The following CDH20 variants were observed in gnomAD, a reference collection of about 807,000 sequenced individuals.
CDH20 encodes cadherin-20.
CDH20 carries 29 observed loss-of-function variants against 74.2 expected under a neutral mutation model. That is an observed-to-expected ratio of 0.39 (90% CI 0.29 to 0.53). CDH20 has a LOEUF of 0.53. Ranked by LOEUF, CDH20 falls within the 20% of genes least tolerant of loss-of-function variation. The pLI is 0.69. For synonymous variants in CDH20, 469 were observed against 405.4 expected (o/e 1.16, Z -1.88); for missense variants, 988 against 1,048.3 (o/e 0.94, Z 0.79).
Position 61,523,809 on chromosome 18 carries a change from T to C in CDH20, c.1018-4158T>C, listed in dbSNP as rs545447536. 5.3e-5 allele frequency among the ~76,000 whole-genome samples: 8 copies of C among 152,078 alleles called. No individual in the cohort carries two copies. The East Asian group carries it at 1.4e-3, about 26-fold the overall frequency. On this transcript the variant is annotated intron_variant, in intron 6 of 11. Coordinates refer to ENST00000262717, the MANE Select transcript of CDH20 (RefSeq NM_031891.4). ...CCACCATTCTCAGCAAGCTAACACA[T>C]GGACAGAAAACTAAACACTGCATGT... is the stretch of plus-strand genomic sequence containing the variant.
intron 1 of CDH20, among the ~76,000 whole-genome samples, chr18:61,410,505 A>G (rs1912459485): frequency 1.3e-5 from 2 of 152,130 alleles, no homozygotes; most frequent in Admixed American, 1.3e-4. Context: ...TGACCCAACA[A>G]TTTTGCTTGA....
At chr18:61,536,898 G>A (rs1912835074) in intron 8 of CDH20, among the ~76,000 whole-genome samples, 1 of 152,096 alleles carries the variant, frequency 6.6e-6, no homozygotes, top group Non-Finnish European at 1.5e-5. Context: ...TGAGGAAAAG[G>A]GAAGATTCCT....
At chr18:61,411,281 A>G (rs536972597) in intron 1 of CDH20, among the ~76,000 whole-genome samples, 5 of 152,090 alleles carry the variant, frequency 3.3e-5, no homozygotes, top group African/African-American at 4.8e-5. Context: ...TGTGGTGAAA[A>G]GGGAACACTT....
intron 1 of CDH20, among the ~76,000 whole-genome samples, chr18:61,482,982 A>ATT (rs1910638468): frequency 6.6e-6 from 1 of 152,150 alleles, no homozygotes; most frequent in African/African-American, 2.4e-5. Context: ...AATTATTATT[A>ATT]ATCTCCCAGA....
At position 61,507,573 on chromosome 18, in the gene CDH20, C is replaced by A. The variant is rs1244939106; in HGVS notation, c.1017+13C>A. 2 of 1,589,136 alleles carry A rather than the reference C, an allele frequency of 1.3e-6. No homozygotes were observed. Among genetic ancestry groups the A allele is most frequent in the Admixed American group, 1.8e-5 (1 of 56,926 alleles). ...AACTGTGAAGAAGGTAATCCAACTC[C>A]TTTTTCTAAACCACTTTCATGGGTG... On this transcript the variant is annotated intron_variant, in intron 6 of 11. Transcript: ENST00000262717.
intron 3 of CDH20, among the ~76,000 whole-genome samples, chr18:61,499,858 G>A (rs1335036690): frequency 6.6e-6 from 1 of 152,058 alleles, no homozygotes; most frequent in African/African-American, 2.4e-5. Flanking sequence ...ACTTTGGGAG[G>A]CTGAGGCAGG....
chr18:61,368,368 C>G lies in CDH20; in HGVS notation c.-153+34541C>G, dbSNP rs111633705. ...TTTCAAGTGTTTATTAGGAAATCTA[C>G]AGTATGATGGTGCCTTAGATATTTT... On this transcript the variant is annotated intron_variant, in intron 1 of 11. Coordinates refer to ENST00000262717, the MANE Select transcript of CDH20 (RefSeq NM_031891.4). Among the ~76,000 whole-genome samples the G allele has an allele frequency of 5.0e-3, 665 of 132,490 alleles. 3 individuals are homozygous for G. Among genetic ancestry groups the G allele is most frequent in the African/African-American group, 0.018 (623 of 34,236 alleles). The allele number at this position is 132,490 out of a possible 152,430, so 86.9% of individuals were successfully genotyped here. A position where few individuals can be genotyped will look rare whatever the true frequency, so the allele number is the denominator to read the frequency against.
chr18:61,352,896 T>C (rs1283258522), intron 1 of CDH20, among the ~76,000 whole-genome samples: 2 of 152,242 alleles, frequency 1.3e-5, no homozygotes, highest in Non-Finnish European at 2.9e-5. Flanking sequence ...GGGACTTACT[T>C]GTTTTATTGA....
At chr18:61,338,553 A>G (rs1240640767) in intron 1 of CDH20, among the ~76,000 whole-genome samples, 1 of 152,204 alleles carries the variant, frequency 6.6e-6, no homozygotes, top group Non-Finnish European at 1.5e-5. Context: ...CATAAAAGAG[A>G]GGTTATCTGG....
intron 1 of CDH20, among the ~76,000 whole-genome samples, chr18:61,406,483 G>T (rs994972999): frequency 6.6e-6 from 1 of 152,186 alleles, no homozygotes; most frequent in Non-Finnish European, 1.5e-5. Context: ...AGATTGGAGG[G>T]GAGTCTCTTC....
At chr18:61,485,825 G>C (rs914756153) in intron 1 of CDH20, among the ~76,000 whole-genome samples, 1 of 152,162 alleles carries the variant, frequency 6.6e-6, no homozygotes, top group African/African-American at 2.4e-5. Context: ...TGTAATCCCA[G>C]CACTTTGGGA....
chr18:61,343,360 A>T (rs2144095795), intron 1 of CDH20, among the ~76,000 whole-genome samples: 1 of 152,352 alleles, frequency 6.6e-6, no homozygotes, highest in East Asian at 1.9e-4. Context: ...AAATGGGGTC[A>T]AAAAGGCTGA....
intron 1 of CDH20, among the ~76,000 whole-genome samples, chr18:61,372,329 A>G (rs1329227442): frequency 2.0e-5 from 3 of 152,184 alleles, no homozygotes; most frequent in East Asian, 1.9e-4. Context: ...TTCTGTGTCT[A>G]TTGATCCTTT....
intron 1 of CDH20, among the ~76,000 whole-genome samples, chr18:61,405,685 GTGGAGCC>G (rs1353844381): frequency 6.6e-6 from 1 of 152,202 alleles, no homozygotes; most frequent in Non-Finnish European, 1.5e-5. Context: ...TTCTCAAAGT[GTGGAGCC>G]TGGATCGATG....
intron 2 of CDH20, among the ~76,000 whole-genome samples, chr18:61,491,057 T>C (rs1910943439): frequency 6.6e-6 from 1 of 152,162 alleles, no homozygotes; most frequent in Non-Finnish European, 1.5e-5. Flanking sequence ...GCTCAGACCC[T>C]GCAAGAGCTA....
chr18:61,374,622 TA>T (rs1911152209), intron 1 of CDH20, among the ~76,000 whole-genome samples: 1 of 152,194 alleles, frequency 6.6e-6, no homozygotes, highest in Non-Finnish European at 1.5e-5. Flanking sequence ...TCAAAACTTA[TA>T]TGAAATTTTT....
intron 1 of CDH20, among the ~76,000 whole-genome samples, chr18:61,383,108 C>T (rs1911483855): frequency 6.6e-6 from 1 of 152,108 alleles, no homozygotes; most frequent in Non-Finnish European, 1.5e-5. Flanking sequence ...TTGAAAGGCC[C>T]TTAGAACAGT....
chr18:61,336,337 T>C (rs1184107712), intron 1 of CDH20, among the ~76,000 whole-genome samples: 3 of 152,346 alleles, frequency 2.0e-5, no homozygotes, highest in African/African-American at 7.2e-5. Flanking sequence ...GGATTGGTAT[T>C]AACTTCTCTC....
chr18:61,458,120 GTCTTGCTAT>G (rs754256349), intron 1 of CDH20, among the ~76,000 whole-genome samples: 7 of 152,076 alleles, frequency 4.6e-5, no homozygotes, highest in Non-Finnish European at 1.0e-4. Context: ...GTCTGCCTGA[GTCTTGCTAT>G]GAGACCTTCT....
Sources: allele counts gnomAD v4.1 joint callset (sites outside exome capture counted in the v4.1 genomes callset), GRCh38; gene constraint gnomAD v4.1.1; transcripts MANE v1.5; gene names NCBI Gene and HGNC (gene_info 2026-07-23, HGNC 2026-07-21).